CEP83: variants seen among roughly 807,000 people sequenced by gnomAD.
The protein encoded by CEP83 is centrosomal protein of 83 kDa.
A neutral mutation model predicts 101.9 loss-of-function variants in CEP83; 70 were observed. The observed-to-expected ratio is 0.69, with a 90% CI of 0.57 to 0.84. CEP83 has a LOEUF of 0.84. Among genes scored for constraint, CEP83 ranks in the 40% least tolerant of loss-of-function variants. CEP83 has a pLI of 0.00. For missense variants in CEP83, 715 were observed against 787.2 expected (o/e 0.91, Z 1.10); for synonymous variants, 264 against 267.9 (o/e 0.99, Z 0.14).
intron 5 of CEP83, chr12:94,402,952 T>C: frequency 2.8e-6 from 1 of 358,820 alleles, no homozygotes; most frequent in Non-Finnish European, 5.0e-6. Context: ...AACGCACCAA[T>C]TCTGGAATGC....
At chr12:94,322,528 A>G (rs1198110465) in intron 14 of CEP83, among the ~76,000 whole-genome samples, 6 of 152,152 alleles carry the variant, frequency 3.9e-5, no homozygotes, top group African/African-American at 1.4e-4. Flanking sequence ...ATAAGGCTGC[A>G]AAACAGCAAA....
At chr12:94,288,138 A>C in the CEP83 span, among the ~76,000 whole-genome samples, 1 of 152,262 alleles carries the variant, frequency 6.6e-6, no homozygotes, top group Non-Finnish European at 1.5e-5. Flanking sequence ...CTGATTGAGG[A>C]GAAATCCTGG....
chr12:94,456,007 C>T (rs910947066), intron 1 of CEP83, among the ~76,000 whole-genome samples: 1 of 150,664 alleles, frequency 6.6e-6, no homozygotes, highest in Non-Finnish European at 1.5e-5. Context: ...AAGATTGCAC[C>T]ACTACGCTCC....
rs11832723 is a variant in CEP83 at position 94,311,271 on chromosome 12, T to C, written c.1812-1164A>G. Among the ~76,000 whole-genome samples the C allele has an allele frequency of 3.7e-3, 570 of 152,324 alleles. 5 individuals are homozygous for C. Among genetic ancestry groups the C allele is most frequent in the African/African-American group, 0.013 (533 of 41,574 alleles). On this transcript the variant is annotated intron_variant, in intron 15 of 16. Transcript: ENST00000397809. ...CCTCATAACTTTTCCTATGTATCTC[T>C]TTCATCTGACTGCTCATCTATATAT...
Position 94,375,992 on chromosome 12 carries a change from C to T in CEP83, c.827G>A (p.Arg276Gln), listed in dbSNP as rs772661302. ...LEAEKQSANLRAERLEKELQS... is the reference protein window; with the variant it reads ...LEAEKQSANLQAERLEKELQS... ...TAGCTCTTTTTCCAAACGTTCTGCC[C>T]GTAAATTAGCTGATTGTTTTTCAGC... The change falls in exon 8 of 17, where the codon CGG (arginine) becomes CAG (glutamine). Residue 276 changes from arginine to glutamine, a missense_variant. Coordinates refer to ENST00000397809, the MANE Select transcript of CEP83 (RefSeq NM_016122.3). 10 of 1,557,180 alleles carry T rather than the reference C, an allele frequency of 6.4e-6. No individual in the cohort carries two copies. The highest frequency in any genetic ancestry group is 3.8e-5 in the South Asian group (3 of 79,574).
downstream of CEP83, among the ~76,000 whole-genome samples, chr12:94,302,323 T>G (rs17022386): frequency 0.1 from 15,627 of 152,254 alleles, 921 homozygotes; most frequent in Admixed American, 0.15. Flanking sequence ...CTTTCCTGTC[T>G]CACAGTCCCT....
intron 6 of CEP83, among the ~76,000 whole-genome samples, chr12:94,381,381 T>C (rs2061839720): frequency 6.6e-6 from 1 of 152,202 alleles, no homozygotes; most frequent in South Asian, 2.1e-4. Context: ...TACCTCTACA[T>C]TTACTCTATT....
intron 14 of CEP83, among the ~76,000 whole-genome samples, chr12:94,314,557 A>G (rs557192319): frequency 6.6e-6 from 1 of 152,292 alleles, no homozygotes; most frequent in African/African-American, 2.4e-5. Flanking sequence ...TCATTCCCAC[A>G]TATTATATTC....
At chr12:94,266,813 T>C in the CEP83 span, among the ~76,000 whole-genome samples, 1 of 152,242 alleles carries the variant, frequency 6.6e-6, no homozygotes, top group African/African-American at 2.4e-5. Context: ...TTGCCAGGCA[T>C]GTGAGTGCTA....
the CEP83 span, among the ~76,000 whole-genome samples, chr12:94,291,136 G>A: frequency 1.3e-5 from 2 of 152,242 alleles, no homozygotes; most frequent in African/African-American, 2.4e-5. Flanking sequence ...AAGGTCTTAG[G>A]TGAGAACGCT....
chr12:94,306,668 T>TA (rs1235124899), downstream of CEP83: 1 of 152,174 alleles, frequency 6.6e-6, no homozygotes, highest in Non-Finnish European at 1.5e-5. Context: ...ATTGATCACA[T>TA]ATTCCTTGAA....
At chr12:94,390,197 G>T (rs1427431751) in intron 6 of CEP83, among the ~76,000 whole-genome samples, 56 of 152,284 alleles carry the variant, frequency 3.7e-4, no homozygotes, top group East Asian at 1.9e-4. Context: ...TAGCATAACT[G>T]GGAGACACCT....
the CEP83 span, among the ~76,000 whole-genome samples, chr12:94,286,303 G>C: frequency 6.6e-6 from 1 of 152,112 alleles, no homozygotes; most frequent in Admixed American, 6.5e-5. Flanking sequence ...GAAGGAAACG[G>C]GAGGTCATTG....
At chr12:94,438,946 T>C (rs897301827) in intron 1 of CEP83, among the ~76,000 whole-genome samples, 2 of 152,130 alleles carry the variant, frequency 1.3e-5, no homozygotes, top group Admixed American at 6.5e-5. Context: ...GAAATCAAGA[T>C]GGAAATTTTA....
At chr12:94,378,699 G>A in intron 7 of CEP83, 92 bp downstream of exon 7, 1 of 1,329,086 alleles carries the variant, frequency 7.5e-7, no homozygotes, top group South Asian at 1.4e-5. Flanking sequence ...TTAGCTTGGG[G>A]GGCATACATT....
chr12:94,362,514 T>A (rs1284525318), intron 11 of CEP83, among the ~76,000 whole-genome samples: 1 of 152,112 alleles, frequency 6.6e-6, no homozygotes, highest in Non-Finnish European at 1.5e-5. Flanking sequence ...GGCACACACC[T>A]GTAATCCAGC....
At position 94,329,252 on chromosome 12, in the gene CEP83, T is replaced by G. The variant is rs184123893; in HGVS notation, c.1707+2448A>C. Among the ~76,000 whole-genome samples the G allele has an allele frequency of 7.9e-4, 121 of 152,256 alleles. 1 individual carries two copies. In the East Asian group the frequency reaches 0.022, roughly 28 times the overall value. On this transcript the variant is annotated intron_variant, in intron 14 of 16. Transcript: ENST00000397809. ...AATGAAATGTTACTTTGTAGTGTTT[T>G]GGGGTTTTTTTGTTTAATTATTATT...
At chr12:94,352,785 T>C (rs1186232321) in intron 11 of CEP83, among the ~76,000 whole-genome samples, 1 of 152,108 alleles carries the variant, frequency 6.6e-6, no homozygotes, top group African/African-American at 2.4e-5. Flanking sequence ...TCTTTTAAAA[T>C]AATCCAGTCA....
chr12:94,402,061 C>T (rs747399023), intron 5 of CEP83, among the ~76,000 whole-genome samples: 8 of 152,184 alleles, frequency 5.3e-5, no homozygotes, highest in Non-Finnish European at 1.2e-4. Flanking sequence ...AAAATGTCTA[C>T]CAAGTATCTA....
Sources: allele counts gnomAD v4.1 joint callset (sites outside exome capture counted in the v4.1 genomes callset), GRCh38; gene constraint gnomAD v4.1.1; transcripts MANE v1.5; gene names NCBI Gene and HGNC (gene_info 2026-07-23, HGNC 2026-07-21).